RPS6KA5: variants seen among roughly 807,000 people sequenced by gnomAD.
RPS6KA5 encodes the protein ribosomal protein S6 kinase A5, also known as ribosomal protein S6 kinase alpha-5.
RPS6KA5 carries 27 observed loss-of-function variants against 85.5 expected under a neutral mutation model. The observed-to-expected ratio is 0.32, with a 90% confidence interval of 0.23 to 0.44. RPS6KA5 has a LOEUF of 0.44. Ranked by LOEUF, RPS6KA5 falls within the 20% of genes least tolerant of loss-of-function variation. The pLI is 1.00. For missense variants in RPS6KA5, 811 were observed against 980.9 expected (o/e 0.83, Z 2.31); for synonymous variants, 334 against 348.2 (o/e 0.96, Z 0.46).
At chr14:91,012,762 C>A (rs1191380729) in intron 1 of RPS6KA5, among the ~76,000 whole-genome samples, 1 of 152,198 alleles carries the variant, frequency 6.6e-6, no homozygotes, top group Non-Finnish European at 1.5e-5. Flanking sequence ...CTTAGCATAC[C>A]AGACTTCAGT....
Position 90,921,781 on chromosome 14 carries a change from C to T in RPS6KA5, c.702+1332G>A, listed in dbSNP as rs1195548809. Among the ~76,000 whole-genome samples the T allele has an allele frequency of 2.0e-5, 3 of 152,240 alleles. No individual in the cohort carries two copies. The East Asian group carries it at 5.8e-4, about 29-fold the overall frequency. On this transcript the variant is annotated intron_variant, in intron 6 of 16. Transcript: ENST00000614987. ...GTCAGGAAGGAGACCAAAGATTCTC[C>T]ACAGCCAGATATCTGAACTGCATAT...
intron 5 of RPS6KA5, among the ~76,000 whole-genome samples, chr14:90,933,741 C>T (rs1213796228): frequency 6.6e-6 from 1 of 152,190 alleles, no homozygotes; most frequent in Non-Finnish European, 1.5e-5. Flanking sequence ...CAATGATCTT[C>T]AATGCCCTGA....
chr14:91,050,427 T>TTTTG (rs150373696), intron 1 of RPS6KA5, among the ~76,000 whole-genome samples: 3 of 151,962 alleles, frequency 2.0e-5, no homozygotes, highest in Non-Finnish European at 2.9e-5. Flanking sequence ...TTGGCTTGTT[T>TTTTG]TTTGTTTGTT....
intron 3 of RPS6KA5, among the ~76,000 whole-genome samples, chr14:90,956,500 C>T (rs769038536): frequency 2.1e-4 from 32 of 152,262 alleles, no homozygotes; most frequent in Non-Finnish European, 3.5e-4. Flanking sequence ...AATGTTTAAT[C>T]CATTCACATT....
At chr14:90,911,837 C>T (rs149587387) in intron 7 of RPS6KA5, among the ~76,000 whole-genome samples, 2 of 152,236 alleles carry the variant, frequency 1.3e-5, no homozygotes, top group East Asian at 3.9e-4. Context: ...ACTCTTTACC[C>T]CATATGCGTA....
At chr14:90,890,328 C>G (rs1266552204) in intron 14 of RPS6KA5, among the ~76,000 whole-genome samples, 159 bp downstream of exon 14, 3 of 152,104 alleles carry the variant, frequency 2.0e-5, no homozygotes, top group Non-Finnish European at 4.4e-5. Flanking sequence ...CATTTTAAGA[C>G]AGGGAAATAC....
In RPS6KA5 at chr14:90,862,963, T is replaced by C. The variant is rs1045257387; in HGVS notation, c.*9111A>G. The C allele has an allele frequency of 1.3e-5, 2 of 151,934 alleles. No homozygotes were observed. Among genetic ancestry groups the C allele is most frequent in the Non-Finnish European group, 2.9e-5 (2 of 67,976 alleles). The allele number at this position is 151,934 out of a possible 1,614,324, so 9.4% of individuals were successfully genotyped here. ...CATTTAGTAAAAACTCTCTGAAAAT[T>C]AGAAATAAAACAATCTGCTATATGA... On this transcript the variant is annotated 3_prime_UTR_variant, in exon 17 of 17. Transcript: ENST00000614987.
Position 91,060,421 on chromosome 14 carries a change from C to T in RPS6KA5, c.14G>A (p.Gly5Asp). 1 of 1,496,656 alleles carries T rather than the reference C, an allele frequency of 6.7e-7. No individual in the cohort carries two copies. 92.7% of individuals were successfully genotyped at this position (1,496,656 alleles called of 1,614,324 possible). A position where few individuals can be genotyped will look rare whatever the true frequency, so the allele number is the denominator to read the frequency against. ...CCCCGCGGCGCCGCCGCTGCTGCCA[C>T]CCTCCTCCTCCATCTTCTCCTTTTT... MEEE[G>D]GSSGGAAGTS... is the part of the protein sequence containing the mutation. The change falls in exon 1 of 17, where the codon GGT (glycine) becomes GAT (aspartate). Residue 5 changes from glycine (G) to aspartate (D), a missense_variant. Physicochemically the swap from Gly to Asp is moderately conservative, Grantham distance 94. Coordinates refer to ENST00000614987, the MANE Select transcript of RPS6KA5 (RefSeq NM_004755.4).
chr14:91,026,151 C>A (rs10130384), intron 1 of RPS6KA5, among the ~76,000 whole-genome samples: 3,486 of 152,290 alleles, frequency 0.023, 100 homozygotes, highest in African/African-American at 0.066. Context: ...CCAACTGCAT[C>A]CATGTTGCTG....
At chr14:90,972,588 C>T (rs548289928) in intron 3 of RPS6KA5, among the ~76,000 whole-genome samples, 23 of 152,258 alleles carry the variant, frequency 1.5e-4, no homozygotes, top group Admixed American at 2.6e-4. Context: ...TCATGTCATA[C>T]GCCATCCACA....
intron 8 of RPS6KA5, 61 bp from the exon 9 acceptor site, chr14:90,903,030 T>A: frequency 7.1e-7 from 1 of 1,417,890 alleles, no homozygotes; most frequent in Non-Finnish European, 9.8e-7. Flanking sequence ...TTTCTAAGAA[T>A]AACAAAGATA....
chr14:90,949,358 T>C (rs547298470), intron 3 of RPS6KA5, among the ~76,000 whole-genome samples: 2 of 152,242 alleles, frequency 1.3e-5, no homozygotes, highest in Non-Finnish European at 2.9e-5. Flanking sequence ...ACTGTTCTTA[T>C]TTAAGACTTC....
intron 12 of RPS6KA5, among the ~76,000 whole-genome samples, chr14:90,898,588 G>A (rs1241117988): frequency 6.6e-6 from 1 of 152,148 alleles, no homozygotes; most frequent in African/African-American, 2.4e-5. Context: ...TTTCTTTATT[G>A]GTAAAATTAG....
intron 9 of RPS6KA5, among the ~76,000 whole-genome samples, chr14:90,901,050 T>C (rs1276521381): frequency 6.6e-6 from 1 of 152,202 alleles, no homozygotes; most frequent in Non-Finnish European, 1.5e-5. Flanking sequence ...CTGATGAAAT[T>C]TGTTTACAAA....
rs2035085233 is a variant in RPS6KA5 at position 90,900,166 on chromosome 14, G to C, written c.1321C>G (p.Arg441Gly). The C allele has an allele frequency of 2.5e-6, 4 of 1,605,708 alleles. No homozygotes were observed. The highest frequency in any genetic ancestry group is 3.4e-6 in the Non-Finnish European group (4 of 1,175,442). The change falls in exon 11 of 17, where the codon CGA becomes GGA. Residue 441 changes from arginine to glycine, a missense_variant. Arg to Gly is a moderately radical substitution (Grantham distance 125, BLOSUM62 -2). Coordinates refer to ENST00000614987, the MANE Select transcript of RPS6KA5 (RefSeq NM_004755.4). Reference sequence around the variant, plus strand: ...TTACTTTTTTTATGCACACACTTTCGACAAATTGAAAAACTACCTTCTCCC... The same window carrying C: ...TTACTTTTTTTATGCACACACTTTCCACAAATTGAAAAACTACCTTCTCCC... ...PLGEGSFSIC[R>G]KCVHKKSNQA...
At chr14:90,972,408 C>T (rs2039365613) in intron 3 of RPS6KA5, among the ~76,000 whole-genome samples, 1 of 152,112 alleles carries the variant, frequency 6.6e-6, no homozygotes, top group Non-Finnish European at 1.5e-5. Flanking sequence ...CAGTATAGTA[C>T]TGGTACATGA....
intron 1 of RPS6KA5, among the ~76,000 whole-genome samples, chr14:91,052,067 G>T (rs2139949875): frequency 6.6e-6 from 1 of 151,940 alleles, no homozygotes; most frequent in South Asian, 2.1e-4. Context: ...AAAAACTTGG[G>T]CTCAGAAAGG....
At chr14:90,899,994 CT>C in intron 11 of RPS6KA5, 113 bp downstream of exon 11, 1 of 871,178 alleles carries the variant, frequency 1.1e-6, no homozygotes. Flanking sequence ...GTGGTTAAAC[CT>C]TTGGGTAAGA....
chr14:90,985,763 T>C (rs150648870), intron 2 of RPS6KA5, among the ~76,000 whole-genome samples: 2 of 152,310 alleles, frequency 1.3e-5, no homozygotes, highest in African/African-American at 4.8e-5. Context: ...TATGACTAGT[T>C]TACATGTGTA....
Sources: gnomAD v4.1 joint callset for allele counts (sites outside exome capture counted in the v4.1 genomes callset) on GRCh38, gnomAD v4.1.1 for gene constraint, MANE v1.5 for transcripts, NCBI Gene and HGNC (gene_info 2026-07-23, HGNC 2026-07-21) for gene names.